The following ADGRG6 variants were observed in gnomAD, a reference collection of about 807,000 sequenced individuals.
The protein encoded by ADGRG6 is adhesion G protein-coupled receptor G6, also known as G-protein coupled receptor 126.
In ADGRG6, 84 loss-of-function variants were observed where a neutral mutation model predicts 142.4. The ratio of observed to expected loss-of-function variants is 0.59; its 90% CI spans 0.49 to 0.71. The LOEUF (loss-of-function observed/expected upper bound fraction) is 0.71, where lower values mean the gene tolerates loss of function less well. ADGRG6 is among the 30% of genes least tolerant of loss of function. The probability of loss-of-function intolerance (pLI) is 0.00; values close to 1 mark genes in which losing one functional copy is unlikely to be tolerated. For synonymous variants in ADGRG6, 521 were observed against 520.5 expected, an observed-to-expected ratio of 1.00 and a Z score of -0.01; for missense variants, 1,367 against 1,466.6, an observed-to-expected ratio of 0.93 and a Z score of 1.11.
intron 2 of ADGRG6, among the ~76,000 whole-genome samples, chr6:142,326,938 C>T (rs1300374339): frequency 6.6e-6 from 1 of 152,060 alleles, no homozygotes; most frequent in Non-Finnish European, 1.5e-5. Context: ...TGACACAGAT[C>T]ATTCTTTCAG....
intron 15 of ADGRG6, among the ~76,000 whole-genome samples, chr6:142,407,071 G>A (rs554361681): frequency 9.9e-5 from 15 of 150,936 alleles, no homozygotes; most frequent in African/African-American, 1.9e-4. Flanking sequence ...GCAGTGCCTC[G>A]TGCCTGTAAT....
At chr6:142,365,575 G>A (rs1194450692) in intron 2 of ADGRG6, among the ~76,000 whole-genome samples, 1 of 152,152 alleles carries the variant, frequency 6.6e-6, no homozygotes, top group African/African-American at 2.4e-5. Flanking sequence ...ACAAAGCAGA[G>A]GAACATGGTG....
intron 9 of ADGRG6, among the ~76,000 whole-genome samples, chr6:142,394,894 C>G (rs1343893488): frequency 6.6e-6 from 1 of 152,056 alleles, no homozygotes; most frequent in African/African-American, 2.4e-5. Flanking sequence ...CATATCTGGC[C>G]TCCATACAAT....
intron 2 of ADGRG6, among the ~76,000 whole-genome samples, chr6:142,360,441 G>A (rs1299377222): frequency 6.6e-6 from 1 of 152,042 alleles, no homozygotes; most frequent in Non-Finnish European, 1.5e-5. Context: ...AGGCACACTT[G>A]GTTGCAACCA....
At chr6:142,409,491 C>T (rs868408399) in intron 16 of ADGRG6, among the ~76,000 whole-genome samples, 13 of 151,950 alleles carry the variant, frequency 8.6e-5, no homozygotes, top group East Asian at 1.9e-4. Flanking sequence ...GATATCTTGT[C>T]GAGTCCTTGT....
chr6:142,328,105 T>C (rs1778866218), intron 2 of ADGRG6, among the ~76,000 whole-genome samples: 1 of 152,198 alleles, frequency 6.6e-6, no homozygotes. Context: ...TCCTTAGTCA[T>C]TGTTTTTTCC....
rs996467521 is a variant in ADGRG6, at chr6:142,417,090, C to T, written c.2939-183C>T. On this transcript the variant is annotated intron_variant, in intron 20 of 24. Transcript: ENST00000367609. Reference sequence around the variant, plus strand: ...GCCAGTTAGAGTTGGACATTGAACCCCAAGGAGGGGATTTTGTTGTTAACC... The same window carrying T: ...GCCAGTTAGAGTTGGACATTGAACCTCAAGGAGGGGATTTTGTTGTTAACC... 30 of 648,044 alleles carry T rather than the reference C, an allele frequency of 4.6e-5. No individual in the cohort carries two copies. The African/African-American group carries it at 4.9e-4, about 11-fold the overall frequency. 40.1% of individuals were successfully genotyped at this position (648,044 alleles called of 1,614,324 possible). A position where few individuals can be genotyped will look rare whatever the true frequency, so the allele number is the denominator to read the frequency against.
chr6:142,373,865 TTTTTCTTTTTC>T (rs1211361494), intron 4 of ADGRG6, among the ~76,000 whole-genome samples: 5 of 150,906 alleles, frequency 3.3e-5, no homozygotes, highest in African/African-American at 1.2e-4. Context: ...TTAATACTTG[TTTTTCTTTTTC>T]TTTTCTTTTT....
chr6:142,398,863 CAT>C (rs756280324), intron 10 of ADGRG6, among the ~76,000 whole-genome samples: 178 of 151,868 alleles, frequency 1.2e-3, no homozygotes, highest in African/African-American at 3.7e-3. Context: ...TTTATGTTCA[CAT>C]ATATATATAT....
chr6:142,427,883 A>G (rs1777027046), intron 22 of ADGRG6, among the ~76,000 whole-genome samples: 1 of 152,182 alleles, frequency 6.6e-6, no homozygotes, highest in African/African-American at 2.4e-5. Context: ...AGAACAGCCC[A>G]GGAAAAACCT....
chr6:142,364,283 A>G (rs1292745397), intron 2 of ADGRG6, among the ~76,000 whole-genome samples: 1 of 152,196 alleles, frequency 6.6e-6, no homozygotes, highest in African/African-American at 2.4e-5. Context: ...CATCTATTTA[A>G]GATAATTATT....
At chr6:142,309,772 T>TATAGGGCAG in intron 2 of ADGRG6, 128 bp downstream of exon 2, 1 of 535,780 alleles carries the variant, frequency 1.9e-6, no homozygotes, top group Non-Finnish European at 3.2e-6. Context: ...TTTCTATCCT[T>TATAGGGCAG]ATAGGGCAGT....
chr6:142,330,858 TACA>T (rs1258941285), intron 2 of ADGRG6, among the ~76,000 whole-genome samples: 1 of 152,142 alleles, frequency 6.6e-6, no homozygotes, highest in African/African-American at 2.4e-5. Flanking sequence ...CAATTTATTA[TACA>T]TCAGAGGAAC....
At chr6:142,390,885 A>T (rs1197265043) in intron 7 of ADGRG6, among the ~76,000 whole-genome samples, 1 of 151,790 alleles carries the variant, frequency 6.6e-6, no homozygotes, top group African/African-American at 2.4e-5. Flanking sequence ...TCTTTTTTAC[A>T]CGAAAAGTAG....
intron 2 of ADGRG6, among the ~76,000 whole-genome samples, chr6:142,345,487 T>C (rs1324848681): frequency 1.3e-5 from 2 of 152,092 alleles, no homozygotes; most frequent in African/African-American, 4.8e-5. Context: ...TGATCAACTG[T>C]GTTTGAATTC....
At chr6:142,414,527 C>T (rs1260646060) in intron 18 of ADGRG6, among the ~76,000 whole-genome samples, 1 of 152,170 alleles carries the variant, frequency 6.6e-6, no homozygotes, top group Non-Finnish European at 1.5e-5. Context: ...GAGCTCCTTG[C>T]TACCTGGCAA....
chr6:142,438,251 C>A lies in ADGRG6; in HGVS notation c.3461C>A (p.Ser1154Tyr), dbSNP rs373115050. 4 of 1,602,698 alleles carry A rather than the reference C, an allele frequency of 2.5e-6. No individual in the cohort carries two copies. The African/African-American group carries it at 4.0e-5, about 16-fold the overall frequency. The change falls in exon 24 of 25, where the codon TCT (serine) becomes TAT (tyrosine). Residue 1154 changes from serine (S) to tyrosine (Y), a missense_variant. Physicochemically the swap from Ser to Tyr is moderately radical, Grantham distance 144. Around this residue, in one of 3 missense-constraint regions of ADGRG6, gnomAD observed 344 missense variants for 348.7 expected, o/e 0.99. Transcript: ENST00000367609. ...KTATNIIKKS[S>Y]DNLGKSLSSS... ...GCTACCAATATCATCAAGAAAAGTT[C>A]TGATAATCTAGGAAAATCTTTGTCT... is the stretch of plus-strand genomic sequence containing the variant.
Position 142,431,479 on chromosome 6 carries a change from C to T in ADGRG6, c.3320-5955C>T, listed in dbSNP as rs113462799. 7.4e-3 allele frequency among the ~76,000 whole-genome samples: 1,132 copies of T among 152,218 alleles called. 20 individuals are homozygous for T. The highest frequency in any genetic ancestry group is 0.025 in the African/African-American group (1,055 of 41,542). On this transcript the variant is annotated intron_variant, in intron 22 of 24. Transcript: ENST00000367609. ...TTCAGTCTTTTGGGCCATTTTATTT[C>T]TACCTTTTATGGGCAATGTTAAATA...
At position 142,397,775 on chromosome 6, in the gene ADGRG6, A is replaced by G; in HGVS notation, c.1567+20A>G. ...AACTGGGTAAGTGACTAATTTTTTT[A>G]TAATATGCATTTTATACAACTGTAT... is the stretch of plus-strand genomic sequence containing the variant. On this transcript the variant is annotated intron_variant, in intron 10 of 24. Transcript: ENST00000367609. 2 of 1,477,124 alleles carry G rather than the reference A, an allele frequency of 1.4e-6. No individual in the cohort carries two copies. The highest frequency in any genetic ancestry group is 1.3e-5 in the South Asian group (1 of 75,908). 91.5% of individuals were successfully genotyped at this position (1,477,124 alleles called of 1,614,324 possible). A position where few individuals can be genotyped will look rare whatever the true frequency, so the allele number is the denominator to read the frequency against.
Sources: gnomAD v4.1 joint callset for allele counts (sites outside exome capture counted in the v4.1 genomes callset) on GRCh38, gnomAD v4.1.1 for gene constraint, gnomAD v4.1.1 regional missense constraint, MANE v1.5 for transcripts, NCBI Gene and HGNC (gene_info 2026-07-23, HGNC 2026-07-21) for gene names.